ADAMTSL1: variants seen among roughly 807,000 people sequenced by gnomAD.
ADAMTSL1 encodes ADAMTS like 1, also known as ADAMTS-like protein 1.
ADAMTSL1 carries 126 observed loss-of-function variants against 201.8 expected under a neutral mutation model. The ratio of observed to expected loss-of-function variants is 0.62; its 90% confidence interval spans 0.54 to 0.72. The LOEUF (loss-of-function observed/expected upper bound fraction) is 0.72. ADAMTSL1 is among the 30% of genes least tolerant of loss of function. ADAMTSL1 has a pLI of 0.00. For missense variants in ADAMTSL1, 2,679 were observed against 2,277.8 expected (o/e 1.18, Z -3.59); for synonymous variants, 1,121 against 903.4 (o/e 1.24, Z -4.32).
At chr9:18,072,532 C>G (rs1387503826) in intron 1 of ADAMTSL1, among the ~76,000 whole-genome samples, 2 of 152,166 alleles carry the variant, frequency 1.3e-5, no homozygotes, top group African/African-American at 4.8e-5. Context: ...CATACACACA[C>G]TCATGTGTTT....
chr9:18,179,005 C>T (rs991977876), intron 2 of ADAMTSL1, among the ~76,000 whole-genome samples: 1 of 152,260 alleles, frequency 6.6e-6, no homozygotes, highest in Non-Finnish European at 1.5e-5. Flanking sequence ...TCCTCACCAG[C>T]AACAGAACAA....
At chr9:18,779,697 G>A (rs767341185) in intron 19 of ADAMTSL1, among the ~76,000 whole-genome samples, 2 of 152,154 alleles carry the variant, frequency 1.3e-5, no homozygotes, top group Non-Finnish European at 2.9e-5. Flanking sequence ...CTTATAACAT[G>A]GTTGGAAAGA....
chr9:18,631,956 T>A (rs1826806024), intron 5 of ADAMTSL1, among the ~76,000 whole-genome samples: 1 of 152,134 alleles, frequency 6.6e-6, no homozygotes, highest in African/African-American at 2.4e-5. Context: ...AAGACTGGCA[T>A]CATGGTTCAG....
At chr9:18,496,772 G>A (rs970310450) in intron 1 of ADAMTSL1, among the ~76,000 whole-genome samples, 24 of 152,198 alleles carry the variant, frequency 1.6e-4, no homozygotes, top group Non-Finnish European at 1.0e-4. Flanking sequence ...AGCCTCAGAT[G>A]TTTCCTTAGT....
chr9:18,591,522 A>G (rs1823914924), intron 4 of ADAMTSL1, among the ~76,000 whole-genome samples: 1 of 152,072 alleles, frequency 6.6e-6, no homozygotes, highest in Non-Finnish European at 1.5e-5. Flanking sequence ...ATTTAATGTT[A>G]TTATCGATAA....
chr9:18,125,422 A>G (rs1002860923), intron 1 of ADAMTSL1, among the ~76,000 whole-genome samples: 8 of 152,006 alleles, frequency 5.3e-5, no homozygotes, highest in Non-Finnish European at 7.4e-5. Context: ...ACACACCCAA[A>G]CCATATCAGA....
intron 9 of ADAMTSL1, among the ~76,000 whole-genome samples, chr9:18,669,290 A>C (rs1215346391): frequency 6.6e-6 from 1 of 152,266 alleles, no homozygotes; most frequent in Non-Finnish European, 1.5e-5. Context: ...GACCAAGGAA[A>C]TATTAGTCCC....
At chr9:18,775,602 C>A in intron 17 of ADAMTSL1, 141 bp from the exon 18 acceptor site, 3 of 1,120,374 alleles carry the variant, frequency 2.7e-6, no homozygotes, top group Non-Finnish European at 3.9e-6. Flanking sequence ...CACATTGTGA[C>A]CTCATAATTA....
At chr9:18,176,011 A>G (rs1828134557) in intron 2 of ADAMTSL1, among the ~76,000 whole-genome samples, 1 of 86,460 alleles carries the variant, frequency 1.2e-5, no homozygotes, top group Non-Finnish European at 2.8e-5. Flanking sequence ...GGAAAGCAAA[A>G]AAAAAAAAAA....
chr9:18,380,404 TTAAGGAAA>T (rs1837505845), intron 2 of ADAMTSL1, among the ~76,000 whole-genome samples: 1 of 152,214 alleles, frequency 6.6e-6, no homozygotes, highest in African/African-American at 2.4e-5. Context: ...ATAAAACATA[TTAAGGAAA>T]TAAGGGAATA....
At chr9:18,412,531 A>C (rs574159685) in intron 2 of ADAMTSL1, among the ~76,000 whole-genome samples, 7 of 152,346 alleles carry the variant, frequency 4.6e-5, no homozygotes, top group African/African-American at 1.7e-4. Context: ...AAGATAGGAT[A>C]AATGCTTCAT....
intron 2 of ADAMTSL1, among the ~76,000 whole-genome samples, chr9:18,332,373 A>T (rs1189660689): frequency 1.3e-5 from 2 of 152,156 alleles, no homozygotes; most frequent in African/African-American, 4.8e-5. Flanking sequence ...AGGAGTGAAA[A>T]ATTATCTGCA....
intron 27 of ADAMTSL1, among the ~76,000 whole-genome samples, chr9:18,906,202 C>A (rs766761426): frequency 1.4e-4 from 22 of 152,218 alleles, no homozygotes; most frequent in Non-Finnish European, 2.5e-4. Context: ...GAGGTGAGGT[C>A]TGCACAGCGG....
intron 1 of ADAMTSL1, among the ~76,000 whole-genome samples, chr9:18,056,004 A>G (rs2131681282): frequency 6.6e-6 from 1 of 152,336 alleles, no homozygotes; most frequent in East Asian, 1.9e-4. Flanking sequence ...TGCCTGAGCT[A>G]TTGACCAGAT....
Position 18,684,796 on chromosome 9 carries a change from C to T in ADAMTSL1, c.1570C>T (p.Pro524Ser), listed in dbSNP as rs1232766311. ...AGAAGGAGCTGCTGTGTCAGAGGAG[C>T]CCTCGTAAGTTGTAAAAGCACAGAC... Reference protein sequence around the residue: ...LEEGAAVSEEPSFIPEAWSAC... With the variant: ...LEEGAAVSEESSFIPEAWSAC... The change falls in exon 13 of 29, where the codon CCC (proline) becomes TCC (serine). Residue 524 changes from proline to serine, a missense_variant. Coordinates refer to ENST00000380548, the MANE Select transcript of ADAMTSL1 (RefSeq NM_001040272.6). 1 of 1,610,300 alleles carries T rather than the reference C, an allele frequency of 6.2e-7. No individual in the cohort carries two copies. The highest frequency in any genetic ancestry group is 8.5e-7 in the Non-Finnish European group (1 of 1,178,556).
chr9:18,201,111 G>T (rs1455638358), intron 2 of ADAMTSL1, among the ~76,000 whole-genome samples: 1 of 152,042 alleles, frequency 6.6e-6, no homozygotes, highest in Non-Finnish European at 1.5e-5. Context: ...TAAAACTTAA[G>T]ATGTCAGTTT....
At chr9:18,711,930 T>TCCCTGAC (rs199953122) in intron 14 of ADAMTSL1, among the ~76,000 whole-genome samples, 1 of 149,880 alleles carries the variant, frequency 6.7e-6, no homozygotes, top group African/African-American at 2.4e-5. Context: ...CTCAAGTGGG[T>TCCCTGAC]CCCTGACCCC....
Position 18,576,826 on chromosome 9 carries a change from A to AT in ADAMTSL1, c.474+2569dup, listed in dbSNP as rs144404653. On this transcript the variant is annotated intron_variant, in intron 4 of 28. Transcript: ENST00000380548. ...AGTGACTACCGTATCTAGGTACTTT[A>AT]TTTTTTTTTCAAATATTTACAGTTC... Among the ~76,000 whole-genome samples, 1,433 of 151,020 alleles carry AT rather than the reference A, an allele frequency of 9.5e-3. 15 individuals carry two copies. The highest frequency in any genetic ancestry group is 0.07 in the East Asian group (358 of 5,122).
chr9:18,331,418 G>A (rs1835022495), intron 2 of ADAMTSL1, among the ~76,000 whole-genome samples: 1 of 152,176 alleles, frequency 6.6e-6, no homozygotes, highest in African/African-American at 2.4e-5. Context: ...ACATCAAATT[G>A]TGCCTCCCTC....
Sources: gnomAD v4.1 joint callset for allele counts (sites outside exome capture counted in the v4.1 genomes callset) on GRCh38, gnomAD v4.1.1 for gene constraint, MANE v1.5 for transcripts, NCBI Gene and HGNC (gene_info 2026-07-23, HGNC 2026-07-21) for gene names.